Variants in FDFT1 observed in about 807,000 individuals in gnomAD.
FDFT1 encodes farnesyl-diphosphate farnesyltransferase 1.
FDFT1 carries 68 observed loss-of-function variants against 46.8 expected under a neutral mutation model. The observed-to-expected ratio is 1.45, with a 90% CI of 1.19 to 1.78. The LOEUF (loss-of-function observed/expected upper bound fraction) is 1.78. Ranked by LOEUF, FDFT1 falls within the 40% of genes most tolerant of loss-of-function variation. The pLI is 0.00. For synonymous variants in FDFT1, 351 were observed against 185.1 expected (o/e 1.90, Z -7.28); for missense variants, 928 against 524.4 (o/e 1.77, Z -7.52).
intron 3 of FDFT1, among the ~76,000 whole-genome samples, chr8:11,818,750 T>A (rs368128416): frequency 6.6e-6 from 1 of 152,224 alleles, no homozygotes; most frequent in Non-Finnish European, 1.5e-5. Context: ...TGTGCATCTC[T>A]GCACGTGAGA....
At chr8:11,836,651 A>C (rs1311989854) in intron 7 of FDFT1, among the ~76,000 whole-genome samples, 3 of 152,264 alleles carry the variant, frequency 2.0e-5, no homozygotes, top group Non-Finnish European at 4.4e-5. Context: ...AGGAAGGCTA[A>C]GACAAGCAGT....
intron 1 of FDFT1, chr8:11,803,440 T>C: frequency 1.6e-6 from 2 of 1,285,098 alleles, no homozygotes; most frequent in Non-Finnish European, 2.0e-6. Flanking sequence ...GCTTCCTGAG[T>C]TTTAAAATCG....
In FDFT1 at chr8:11,831,893, C is replaced by G. The variant is rs577670887; in HGVS notation, c.1032+223C>G. The G allele has an allele frequency of 1.9e-4, 89 of 464,932 alleles. No individual in the cohort carries two copies. The Middle Eastern group carries it at 2.3e-3, about 12-fold the overall frequency. 28.8% of individuals were successfully genotyped at this position (464,932 alleles called of 1,614,324 possible). Reference sequence around the variant, plus strand: ...CCCTGGTGAGAGGAGATAAATGGAGCAAGGCTGTAGGTTGGAGCCCCTCAG... The same window carrying G: ...CCCTGGTGAGAGGAGATAAATGGAGGAAGGCTGTAGGTTGGAGCCCCTCAG... On this transcript the variant is annotated intron_variant, in intron 7 of 7. Transcript: ENST00000220584.
chr8:11,821,210 G>C (rs559586711), intron 3 of FDFT1, among the ~76,000 whole-genome samples: 1 of 152,376 alleles, frequency 6.6e-6, no homozygotes, highest in Non-Finnish European at 1.5e-5. Context: ...GATGAAATGT[G>C]TAGTGAGACT....
intron 1 of FDFT1, among the ~76,000 whole-genome samples, chr8:11,805,226 T>C (rs1206167498): frequency 2.0e-5 from 3 of 152,234 alleles, no homozygotes; most frequent in Non-Finnish European, 4.4e-5. Context: ...AGTTTCTCTC[T>C]GCAAACTAGG....
rs1809265250 is a variant in FDFT1 at position 11,821,665 on chromosome 8, A to G, written c.382-85A>G. ...AGATGAACCATTGCAGTCATGATTA[A>G]TTCCGCCATTGTTTGCCTTGTGATC... On this transcript the variant is annotated intron_variant, in intron 3 of 7. Coordinates refer to ENST00000220584, the MANE Select transcript of FDFT1 (RefSeq NM_004462.5). 7 of 1,477,950 alleles carry G rather than the reference A, an allele frequency of 4.7e-6. No homozygotes were observed. The South Asian group carries it at 6.9e-5, about 15-fold the overall frequency. 91.6% of individuals were successfully genotyped at this position (1,477,950 alleles called of 1,614,324 possible). A position where few individuals can be genotyped will look rare whatever the true frequency, so the allele number is the denominator to read the frequency against.
rs71518537 is a variant in FDFT1 at position 11,819,976 on chromosome 8, T to C, written c.382-1774T>C. 9.4e-3 allele frequency among the ~76,000 whole-genome samples: 1,427 copies of C among 152,298 alleles called. 5 individuals are homozygous for C. Among genetic ancestry groups the C allele is most frequent in the Non-Finnish European group, 0.015 (987 of 68,018 alleles). On this transcript the variant is annotated intron_variant, in intron 3 of 7. Coordinates refer to ENST00000220584, the MANE Select transcript of FDFT1 (RefSeq NM_004462.5). ...TTCTGCTGTGGTTTCTCCCCATCTT[T>C]GTGGTTTTATCTACCTTTGGTCTTT... is the stretch of plus-strand genomic sequence containing the variant.
At chr8:11,834,859 C>A (rs904829860) in intron 7 of FDFT1, among the ~76,000 whole-genome samples, 1 of 152,222 alleles carries the variant, frequency 6.6e-6, no homozygotes, top group African/African-American at 2.4e-5. Flanking sequence ...CACTGTGGCT[C>A]ACACCTGTAA....
chr8:11,805,659 T>TC (rs1806740929), intron 1 of FDFT1, among the ~76,000 whole-genome samples: 3 of 151,742 alleles, frequency 2.0e-5, no homozygotes, highest in Non-Finnish European at 4.4e-5. Flanking sequence ...AAAGAATTTT[T>TC]TGAGTGTTTG....
At chr8:11,831,149 C>A (rs572924942) in intron 6 of FDFT1, among the ~76,000 whole-genome samples, 1 of 152,174 alleles carries the variant, frequency 6.6e-6, no homozygotes, top group Non-Finnish European at 1.5e-5. Context: ...AGAAAAACAA[C>A]TACAATAGAA....
intron 5 of FDFT1, among the ~76,000 whole-genome samples, chr8:11,827,921 G>T (rs1422518460): frequency 2.6e-5 from 4 of 151,938 alleles, no homozygotes; most frequent in Admixed American, 2.6e-4. Flanking sequence ...GTAAAAATTG[G>T]CCGGGCACAG....
intron 6 of FDFT1, 64 bp downstream of exon 6, chr8:11,830,484 G>C: frequency 8.5e-7 from 1 of 1,181,710 alleles, no homozygotes; most frequent in Middle Eastern, 2.8e-4. Flanking sequence ...AGTAAGGGTG[G>C]ATTTTGCTGT....
In FDFT1 at chr8:11,826,031, A is replaced by T; in HGVS notation, c.518A>T (p.His173Leu). The change falls in exon 5 of 8, where the codon CAC (histidine) becomes CTC (leucine). Residue 173 changes from histidine (H) to leucine (L), a missense_variant. Transcript: ENST00000220584. The part of the protein sequence containing the change: ...TSEQEWDKYC[H>L]YVAGLVGIGL... ...AAAAATCGTCTCTTACAGTACTGCC[A>T]CTATGTTGCTGGGCTGGTCGGAATT... 1 of 1,577,264 alleles carries T rather than the reference A, an allele frequency of 6.3e-7. No homozygotes were observed. Among genetic ancestry groups the T allele is most frequent in the Non-Finnish European group, 8.7e-7 (1 of 1,153,220 alleles).
At chr8:11,809,394 T>C (rs1585881640) in intron 2 of FDFT1, 4 of 1,185,116 alleles carry the variant, frequency 3.4e-6, no homozygotes, top group Non-Finnish European at 4.2e-6. Flanking sequence ...CTGGTCTCCA[T>C]AGTTCTACAT....
At position 11,809,730 on chromosome 8, in the gene FDFT1, C is replaced by T. The variant is rs1281466684; in HGVS notation, c.261C>T (p.Thr87=). 5 of 1,613,954 alleles carry T rather than the reference C, an allele frequency of 3.1e-6. No homozygotes were observed. Among genetic ancestry groups the T allele is most frequent in the African/African-American group, 2.7e-5 (2 of 75,000 alleles). The change falls in exon 3 of 8, where the codon ACC becomes ACT. Residue 87 remains threonine, a synonymous_variant. Transcript: ENST00000220584. Reference sequence around the variant, plus strand: ...TGGACACACTGGAAGATGACATGACCATCAGTGTGGAAAAGAAGGTCCCGC... The same window carrying T: ...TGGACACACTGGAAGATGACATGACTATCAGTGTGGAAAAGAAGGTCCCGC... ...RALDTLEDDM[T]ISVEKKVPLL...
At position 11,809,651 on chromosome 8, in the gene FDFT1, T is replaced by C. The variant is rs537069715; in HGVS notation, c.198-16T>C. 2.0e-5 allele frequency: 31 copies of C among 1,579,102 alleles called. No homozygotes were observed. The South Asian group carries it at 3.5e-4, about 18-fold the overall frequency. ...CTGTTTGTTCCAATATATTAATAGT[T>C]TTCCCTTTTTTACAGCAACGCAGTG... On this transcript the variant is annotated splice_polypyrimidine_tract_variant and intron_variant, in intron 2 of 7. Transcript: ENST00000220584.
intron 7 of FDFT1, among the ~76,000 whole-genome samples, chr8:11,834,370 C>G (rs757602638): frequency 6.6e-6 from 1 of 152,218 alleles, no homozygotes; most frequent in African/African-American, 2.4e-5. Flanking sequence ...AAATGCTCAG[C>G]CAAACGGCCA....
rs550271971 is a variant in FDFT1, at chr8:11,825,584, G to A, written c.511-440G>A. Among the ~76,000 whole-genome samples, 8 of 151,436 alleles carry A rather than the reference G, an allele frequency of 5.3e-5. No homozygotes were observed. The South Asian group carries it at 1.0e-3, about 20-fold the overall frequency. On this transcript the variant is annotated intron_variant, in intron 4 of 7. Transcript: ENST00000220584. The stretch of plus-strand genomic sequence containing the variant: ...AAGTTATTGTAAAGCTAGACACGGT[G>A]GTATTTGCCTACAATCCCAGCTGTT...
intron 7 of FDFT1, among the ~76,000 whole-genome samples, chr8:11,834,594 G>T (rs1293321): frequency 2.6e-5 from 4 of 152,222 alleles, no homozygotes; most frequent in South Asian, 2.1e-4. Flanking sequence ...CCACCCAAAC[G>T]TATCGAATCA....
Sources: allele counts gnomAD v4.1 joint callset (sites outside exome capture counted in the v4.1 genomes callset), GRCh38; gene constraint gnomAD v4.1.1; transcripts MANE v1.5; gene names NCBI Gene and HGNC (gene_info 2026-07-23, HGNC 2026-07-21).